PDXDC1: variants seen among roughly 807,000 people sequenced by gnomAD.
The protein encoded by PDXDC1 is pyridoxal-dependent decarboxylase domain-containing protein 1.
In PDXDC1, 42 loss-of-function variants were observed where a neutral mutation model predicts 100.1. The observed-to-expected ratio is 0.42, with a 90% CI of 0.33 to 0.54. The LOEUF is 0.54. PDXDC1 is among the 20% of genes least tolerant of loss of function. PDXDC1 has a pLI of 0.10. For synonymous variants in PDXDC1, 260 were observed against 371.7 expected, an observed-to-expected ratio of 0.70 and a Z score of 3.46; for missense variants, 636 against 979.2, an observed-to-expected ratio of 0.65 and a Z score of 4.68.
intron 20 of PDXDC1, 25 bp from the exon 21 acceptor site, chr16:15,034,432 C>T (rs1280774742): frequency 6.2e-7 from 1 of 1,613,600 alleles, no homozygotes; most frequent in Admixed American, 1.7e-5. Context: ...GCCAGGTGGC[C>T]CTGAACTCTG....
intron 16 of PDXDC1, among the ~76,000 whole-genome samples, chr16:15,054,432 G>A (rs1467629010): frequency 1.3e-5 from 2 of 152,184 alleles, no homozygotes; most frequent in Non-Finnish European, 2.9e-5. Context: ...TTTTCAAACA[G>A]ACATAAAAGT....
rs558126339 is a variant in PDXDC1, at chr16:15,076,882, G to A, written c.1399+46826G>A. 7.2e-5 allele frequency among the ~76,000 whole-genome samples: 11 copies of A among 151,880 alleles called. No individual in the cohort carries two copies. The East Asian group carries it at 1.2e-3, about 16-fold the overall frequency. On this transcript the variant is annotated intron_variant, in intron 16 of 16. Coordinates refer to the PDXDC1 transcript ENST00000535621. ...TTTTACTACATACTTATATAAAATCGACAACTATCACATGATGCTCTATGC... is the reference window on the plus strand; with the variant it reads ...TTTTACTACATACTTATATAAAATCAACAACTATCACATGATGCTCTATGC...
At chr16:15,090,396 CTT>C (rs2046084524) in intron 16 of PDXDC1, among the ~76,000 whole-genome samples, 1 of 152,170 alleles carries the variant, frequency 6.6e-6, no homozygotes, top group Admixed American at 6.5e-5. Flanking sequence ...GTTCTAAGTG[CTT>C]CTTGCATATT....
chr16:15,007,100 A>G (rs1177136452), intron 6 of PDXDC1, among the ~76,000 whole-genome samples: 2 of 138,008 alleles, frequency 1.4e-5, no homozygotes, highest in African/African-American at 5.3e-5. Flanking sequence ...ATTTAGGGTT[A>G]TGGTCCTCAG....
intron 16 of PDXDC1, among the ~76,000 whole-genome samples, chr16:15,106,561 C>T (rs1484072487): frequency 6.7e-6 from 1 of 150,084 alleles, no homozygotes; most frequent in Non-Finnish European, 1.5e-5. Flanking sequence ...TGAGACCATC[C>T]TGGCTAATAC....
At chr16:15,014,164 G>C (rs187451541) in intron 8 of PDXDC1, among the ~76,000 whole-genome samples, 1 of 151,540 alleles carries the variant, frequency 6.6e-6, no homozygotes, top group East Asian at 2.0e-4. Flanking sequence ...CCGAGATTGC[G>C]CTGCTGCACT....
intron 1 of PDXDC1, among the ~76,000 whole-genome samples, chr16:14,992,311 A>G (rs1346342650): frequency 1.3e-5 from 2 of 152,410 alleles, no homozygotes; most frequent in African/African-American, 4.8e-5. Context: ...TTGTAATTGA[A>G]TAGGTGCTAG....
chr16:15,146,233 C>G, the PDXDC1 span, among the ~76,000 whole-genome samples: 1 of 152,144 alleles, frequency 6.6e-6, no homozygotes, highest in Non-Finnish European at 1.5e-5. Flanking sequence ...GAAGAGCCAA[C>G]AGAAAGCCGG....
chr16:15,081,328 C>T (rs2045694286), intron 16 of PDXDC1, among the ~76,000 whole-genome samples: 1 of 152,204 alleles, frequency 6.6e-6, no homozygotes, highest in African/African-American at 2.4e-5. Context: ...TTTACATTCT[C>T]ACAGCAACAT....
intron 16 of PDXDC1, among the ~76,000 whole-genome samples, chr16:15,068,732 T>C (rs1401045635): frequency 6.6e-6 from 1 of 152,220 alleles, no homozygotes; most frequent in Non-Finnish European, 1.5e-5. Context: ...TGTAGTTTTT[T>C]TTCTAAACAA....
At chr16:14,986,274 C>G (rs116396671) in intron 1 of PDXDC1, among the ~76,000 whole-genome samples, 13,293 of 148,334 alleles carry the variant, frequency 0.09, no homozygotes, top group Non-Finnish European at 0.13. Flanking sequence ...GGAGTTTGAC[C>G]CGGCCAACAT....
chr16:15,073,030 T>C lies in PDXDC1; in HGVS notation c.1399+42974T>C. The C allele has an allele frequency of 1.9e-6, 3 of 1,613,292 alleles. No homozygotes were observed. In the South Asian group the frequency reaches 3.3e-5, roughly 18 times the overall value. On this transcript the variant is annotated intron_variant, in intron 16 of 16. Transcript: ENST00000535621. ...GTGGGCAACAGGAGTTTGTCAAAGA[T>C]GTTTATCAGGTCGCGATATAGATCC...
rs141281559 is a variant in PDXDC1, at chr16:15,052,625, G to C, written c.1399+22569G>C. 5.8e-4 allele frequency among the ~76,000 whole-genome samples: 88 copies of C among 152,312 alleles called. 1 individual carries two copies. The highest frequency in any genetic ancestry group is 2.1e-3 in the African/African-American group (87 of 41,564). On this transcript the variant is annotated intron_variant, in intron 16 of 16. Coordinates refer to the PDXDC1 transcript ENST00000535621. ...GAGGCGAGATGATCGCTTGAGGTCA[G>C]GAGTTTCAGACCAGCCTGGCCAACA...
At chr16:15,051,332 A>C (rs1182275316) in intron 16 of PDXDC1, among the ~76,000 whole-genome samples, 1 of 152,208 alleles carries the variant, frequency 6.6e-6, no homozygotes, top group Admixed American at 6.5e-5. Flanking sequence ...CAGAAAACTA[A>C]AACAGTAGAC....
chr16:15,133,245 C>G (rs2048194080), intron 16 of PDXDC1: 20 of 1,483,830 alleles, frequency 1.3e-5, no homozygotes, highest in Non-Finnish European at 1.8e-5. Flanking sequence ...TGTGAGGTCC[C>G]CTGCCAGGCT....
chr16:15,027,387 G>A (rs2042693979), intron 14 of PDXDC1, among the ~76,000 whole-genome samples: 1 of 152,280 alleles, frequency 6.6e-6, no homozygotes, highest in South Asian at 2.1e-4. Flanking sequence ...GCTCCAGCGG[G>A]CATGTGTTAC....
intron 18 of PDXDC1, 113 bp downstream of exon 18, chr16:15,033,092 G>T: frequency 1.0e-6 from 1 of 969,858 alleles, no homozygotes; most frequent in Non-Finnish European, 1.6e-6. Context: ...CTGGGTTCCA[G>T]GCGAAGATGC....
rs768439707 is a variant in PDXDC1, at chr16:15,104,736, T to C, written c.1400-34143T>C. 17 of 1,597,182 alleles carry C rather than the reference T, an allele frequency of 1.1e-5. No homozygotes were observed. The South Asian group carries it at 1.1e-4, about 10-fold the overall frequency. ...GCAGGGCAATCCTGAAGAATGACGATGCTCCGCTGCCGCCATTCTGACCTG... is the reference window on the plus strand; with the variant it reads ...GCAGGGCAATCCTGAAGAATGACGACGCTCCGCTGCCGCCATTCTGACCTG... On this transcript the variant is annotated intron_variant, in intron 16 of 16. Transcript: ENST00000535621.
At chr16:15,104,909 T>G (rs1234401248) in intron 16 of PDXDC1, among the ~76,000 whole-genome samples, 2 of 152,170 alleles carry the variant, frequency 1.3e-5, no homozygotes, top group East Asian at 3.9e-4. Context: ...CAGTGTCATA[T>G]CACCCTTCCA....
Sources: gnomAD v4.1 joint callset for allele counts (sites outside exome capture counted in the v4.1 genomes callset) on GRCh38, gnomAD v4.1.1 for gene constraint, MANE v1.5 for transcripts, NCBI Gene and HGNC (gene_info 2026-07-23, HGNC 2026-07-21) for gene names.